Variants in FRMD4A observed in about 807,000 individuals in gnomAD.
The protein encoded by FRMD4A is FERM domain-containing protein 4A.
FRMD4A carries 29 observed loss-of-function variants against 129.1 expected under a neutral mutation model. The observed-to-expected ratio is 0.22, with a 90% CI of 0.17 to 0.31. FRMD4A has a LOEUF of 0.31. Among genes scored for constraint, FRMD4A ranks in the 10% least tolerant of loss-of-function variants. The pLI is 1.00. For missense variants in FRMD4A, 1,272 were observed against 1,375.8 expected (o/e 0.92, Z 1.19); for synonymous variants, 634 against 571.6 (o/e 1.11, Z -1.56).
intron 15 of FRMD4A, among the ~76,000 whole-genome samples, chr10:13,683,702 G>A (rs1203471345): frequency 6.9e-6 from 1 of 144,484 alleles, no homozygotes; most frequent in African/African-American, 2.5e-5. Flanking sequence ...ATTGTAGCTG[G>A]TCACATCCAG....
At position 14,109,709 on chromosome 10, in the gene FRMD4A, C is replaced by T. The variant is rs543800510; in HGVS notation, c.45+220349G>A. ...TGCTTTGACCAGGTTCGGTGGCTCA[C>T]GCTTGTAATCTCAGCACTTTGGGAG... On this transcript the variant is annotated intron_variant, in intron 2 of 24. Transcript: ENST00000357447. Among the ~76,000 whole-genome samples, 31 of 152,172 alleles carry T rather than the reference C, an allele frequency of 2.0e-4. No homozygotes were observed. The South Asian group carries it at 5.8e-3, about 29-fold the overall frequency.
chr10:14,321,029 A>G (rs574714647), intron 2 of FRMD4A, among the ~76,000 whole-genome samples: 2 of 152,318 alleles, frequency 1.3e-5, no homozygotes, highest in South Asian at 4.1e-4. Context: ...TAGGGCACTC[A>G]TAGTTCTTCT....
chr10:14,151,032 G>C (rs970569859), intron 2 of FRMD4A, among the ~76,000 whole-genome samples: 3 of 152,138 alleles, frequency 2.0e-5, no homozygotes, highest in African/African-American at 7.2e-5. Flanking sequence ...CTAAGATTGA[G>C]GTTATTAAAA....
chr10:14,023,934 C>G lies in FRMD4A; in HGVS notation c.46-165022G>C, dbSNP rs576937434. On this transcript the variant is annotated intron_variant, in intron 2 of 24. Transcript: ENST00000357447. The stretch of plus-strand genomic sequence containing the variant: ...GTTCATGCTTCTATCCTAGATTCAG[C>G]ATCCTCTAAAAAAAAAATTAGCATT... 5.1e-4 allele frequency among the ~76,000 whole-genome samples: 75 copies of G among 146,610 alleles called. 1 individual carries two copies. Among genetic ancestry groups the G allele is most frequent in the African/African-American group, 1.8e-3 (75 of 41,238 alleles).
intron 2 of FRMD4A, among the ~76,000 whole-genome samples, chr10:14,051,368 C>T (rs187298674): frequency 6.6e-6 from 1 of 152,256 alleles, no homozygotes; most frequent in East Asian, 1.9e-4. Flanking sequence ...TCTTAGCATT[C>T]TTGAGAGTAT....
intron 2 of FRMD4A, among the ~76,000 whole-genome samples, chr10:14,301,709 A>G (rs888685204): frequency 6.6e-6 from 1 of 152,184 alleles, no homozygotes; most frequent in African/African-American, 2.4e-5. Flanking sequence ...CTTTTTCTAT[A>G]AGAAAACATG....
intron 2 of FRMD4A, among the ~76,000 whole-genome samples, chr10:14,025,162 C>A (rs1242388182): frequency 6.6e-6 from 1 of 152,180 alleles, no homozygotes; most frequent in Non-Finnish European, 1.5e-5. Flanking sequence ...ATCCTATGCA[C>A]CCCCTCTGCT....
intron 2 of FRMD4A, among the ~76,000 whole-genome samples, chr10:13,941,849 C>T (rs964633847): frequency 1.3e-5 from 2 of 152,194 alleles, no homozygotes; most frequent in East Asian, 1.9e-4. Context: ...GTGGCCACAG[C>T]CTCCTAGCTG....
At chr10:13,698,212 T>C (rs7913416) in intron 14 of FRMD4A, among the ~76,000 whole-genome samples, 140,709 of 152,208 alleles carry the variant, frequency 0.92, 65,057 homozygotes, top group East Asian at 0.98. Context: ...CATGGCTCCC[T>C]ACCCTTGCTG....
intron 2 of FRMD4A, among the ~76,000 whole-genome samples, chr10:13,916,549 G>A (rs776040898): frequency 6.6e-6 from 1 of 152,196 alleles, no homozygotes; most frequent in Non-Finnish European, 1.5e-5. Flanking sequence ...ACAGTTCAGA[G>A]CAGGTGTTAT....
chr10:13,790,281 C>T (rs1440090579), intron 5 of FRMD4A, among the ~76,000 whole-genome samples: 4 of 152,116 alleles, frequency 2.6e-5, no homozygotes, highest in South Asian at 2.1e-4. Flanking sequence ...TGCAGAAAGA[C>T]GACGACATCA....
chr10:14,110,620 C>G (rs1837849849), intron 2 of FRMD4A, among the ~76,000 whole-genome samples: 1 of 147,420 alleles, frequency 6.8e-6, no homozygotes, highest in African/African-American at 2.5e-5. Context: ...ATTAGAGCAG[C>G]TTTCTTGCTA....
At chr10:13,787,786 A>G (rs2092905169) in intron 5 of FRMD4A, among the ~76,000 whole-genome samples, 1 of 147,434 alleles carries the variant, frequency 6.8e-6, no homozygotes. Context: ...GGCTGGGCAT[A>G]GTTTTTGGCC....
intron 6 of FRMD4A, among the ~76,000 whole-genome samples, chr10:13,780,454 G>C (rs982424548): frequency 7.2e-5 from 11 of 152,200 alleles, no homozygotes; most frequent in African/African-American, 2.7e-4. Flanking sequence ...CACAAAAGGA[G>C]ACACTACAAG....
chr10:14,269,653 C>G (rs995445585), intron 2 of FRMD4A, among the ~76,000 whole-genome samples: 1 of 152,078 alleles, frequency 6.6e-6, no homozygotes, highest in African/African-American at 2.4e-5. Flanking sequence ...ATGATTAGAC[C>G]GGGTCCACCT....
intron 2 of FRMD4A, among the ~76,000 whole-genome samples, chr10:14,185,600 T>A (rs553541733): frequency 1.2e-4 from 17 of 144,240 alleles, no homozygotes; most frequent in African/African-American, 2.0e-4. Flanking sequence ...GAGAAACAGG[T>A]AGAGAGACAG....
chr10:14,297,162 C>A (rs1188399433), intron 2 of FRMD4A, among the ~76,000 whole-genome samples: 2 of 149,612 alleles, frequency 1.3e-5, no homozygotes, highest in East Asian at 1.9e-4. Context: ...TTAGAAAGTT[C>A]AAGAAGATAT....
intron 2 of FRMD4A, among the ~76,000 whole-genome samples, chr10:14,010,513 G>A (rs1157403406): frequency 6.6e-6 from 1 of 152,040 alleles, no homozygotes; most frequent in Non-Finnish European, 1.5e-5. Context: ...CCCAGATAAT[G>A]GAGCCCTCCC....
intron 2 of FRMD4A, among the ~76,000 whole-genome samples, chr10:14,168,322 T>C (rs376062826): frequency 6.6e-6 from 1 of 152,206 alleles, no homozygotes; most frequent in Non-Finnish European, 1.5e-5. Context: ...TCGTAAGAGC[T>C]GAAGCATGGA....
Sources: gnomAD v4.1 joint callset for allele counts (sites outside exome capture counted in the v4.1 genomes callset) on GRCh38, gnomAD v4.1.1 for gene constraint, MANE v1.5 for transcripts, NCBI Gene and HGNC (gene_info 2026-07-23, HGNC 2026-07-21) for gene names.